Variants in SFT2D1 observed in about 807,000 individuals in gnomAD.
SFT2D1 encodes the protein vesicle transport protein SFT2A.
SFT2D1 carries 24 observed loss-of-function variants against 28.1 expected under a neutral mutation model. The observed-to-expected ratio is 0.85, with a 90% CI of 0.62 to 1.20. SFT2D1 has a LOEUF of 1.20. Among genes scored for constraint, SFT2D1 ranks in the 50% most tolerant of loss-of-function variants. The pLI, the probability that SFT2D1 is intolerant of heterozygous loss-of-function variation, is 0.00. For synonymous variants in SFT2D1, 82 were observed against 73.7 expected, an observed-to-expected ratio of 1.11 and a Z score of -0.58; for missense variants, 181 against 190.9, an observed-to-expected ratio of 0.95 and a Z score of 0.31.
Position 166,330,205 on chromosome 6 carries a change from AT to A in SFT2D1, c.105del (p.Lys35AsnfsTer27), listed in dbSNP as rs748205196. 21 of 1,607,406 alleles carry A rather than the reference AT, an allele frequency of 1.3e-5. No homozygotes were observed. In the African/African-American group the frequency reaches 2.8e-4, roughly 22 times the overall value. ...ASSLSFNTRL[K>X]WFAICFVCGV... The stretch of plus-strand genomic sequence containing the variant: ...CCACATACGAAGCAGATGGCAAACC[AT>A]TTCAATCTGGTGTTGAAACTAAGGG... On this transcript the variant is annotated frameshift_variant, in exon 2 of 8. Transcript: ENST00000361731. LOFTEE classifies it high-confidence loss of function.
intron 2 of SFT2D1, 136 bp downstream of exon 2, chr6:166,330,024 TA>T (rs1035314104): frequency 1.7e-6 from 1 of 585,596 alleles, no homozygotes; most frequent in Middle Eastern, 4.7e-4. Context: ...TCTACCCCTT[TA>T]TTTTAGTTTA....
chr6:166,330,810 A>AGGGGT (rs1409732345), intron 1 of SFT2D1, among the ~76,000 whole-genome samples: 1 of 152,196 alleles, frequency 6.6e-6, no homozygotes, highest in African/African-American at 2.4e-5. Flanking sequence ...GCTGCAGGCC[A>AGGGGT]GGGGTGGGGT....
chr6:166,336,444 T>C (rs1370364139), intron 1 of SFT2D1, among the ~76,000 whole-genome samples: 1 of 152,248 alleles, frequency 6.6e-6, no homozygotes, highest in Non-Finnish European at 1.5e-5. Flanking sequence ...CATAATTGTA[T>C]GTAGCTAATA....
chr6:166,330,564 A>G (rs1386757143), intron 1 of SFT2D1, among the ~76,000 whole-genome samples: 4 of 152,252 alleles, frequency 2.6e-5, no homozygotes, highest in African/African-American at 9.6e-5. Context: ...TAAAATATAC[A>G]AAGATTAAAA....
chr6:166,326,332 T>C (rs76560682), intron 4 of SFT2D1, among the ~76,000 whole-genome samples, 165 bp from the exon 5 acceptor site: 6,176 of 152,318 alleles, frequency 0.041, 395 homozygotes, highest in African/African-American at 0.14. Flanking sequence ...ATTATTTTAC[T>C]TTAAAGTCTA....
intron 1 of SFT2D1, among the ~76,000 whole-genome samples, chr6:166,341,363 T>G (rs1778777285): frequency 6.6e-6 from 1 of 151,292 alleles, no homozygotes; most frequent in Non-Finnish European, 1.5e-5. Flanking sequence ...GCAGGAGAAT[T>G]GCTTGAACCC....
Position 166,322,880 on chromosome 6 carries a change from G to A in SFT2D1, c.417C>T (p.Ser139=). 1.9e-6 allele frequency: 3 copies of A among 1,611,566 alleles called. No individual in the cohort carries two copies. The highest frequency in any genetic ancestry group is 1.1e-5 in the South Asian group (1 of 90,806). The part of the protein sequence containing the change: ...ILQFLSMTWY[S]LSYIPYARDA... Reference sequence around the variant, plus strand: ...ACCTTGCATATGGGATGTACGACAGGCTATACCTGCAAGAAATATTCAAGC... The same window carrying A: ...ACCTTGCATATGGGATGTACGACAGACTATACCTGCAAGAAATATTCAAGC... Residue 139 remains serine, a synonymous_variant, in exon 7 of 8, where the codon AGC becomes AGT. Coordinates refer to ENST00000361731, the MANE Select transcript of SFT2D1 (RefSeq NM_145169.3).
At chr6:166,320,612 C>T (rs188739142) in intron 7 of SFT2D1, among the ~76,000 whole-genome samples, 34 of 151,538 alleles carry the variant, frequency 2.2e-4, no homozygotes, top group African/African-American at 6.3e-4. Context: ...AGTGCAGTGG[C>T]GTGAGCAGAT....
In SFT2D1 at chr6:166,330,179, G is replaced by T; in HGVS notation, c.132C>A (p.Gly44=). Residue 44 remains glycine, a synonymous_variant, in exon 2 of 8, where the codon GGC becomes GGA. Transcript: ENST00000361731. ...LKWFAICFVC[G]VFFSILGTGL... ...AACTCACAAGAATAGAAAAGAAAAC[G>T]CCACATACGAAGCAGATGGCAAACC... 6.2e-7 allele frequency: 1 copy of T among 1,600,816 alleles called. No individual in the cohort carries two copies.
intron 1 of SFT2D1, chr6:166,334,976 G>A (rs894504042): frequency 4.2e-6 from 2 of 476,002 alleles, no homozygotes; most frequent in African/African-American, 2.0e-5. Context: ...TGAAGTGACT[G>A]AAATCATGAC....
At chr6:166,329,665 T>G (rs1022469794) in intron 2 of SFT2D1, 76 bp from the exon 3 acceptor site, 12 of 1,135,648 alleles carry the variant, frequency 1.1e-5, no homozygotes, top group South Asian at 3.0e-5. Flanking sequence ...GCTACTGCAG[T>G]AATACAATAC....
chr6:166,340,217 T>C (rs1778751190), intron 1 of SFT2D1, among the ~76,000 whole-genome samples: 1 of 152,200 alleles, frequency 6.6e-6, no homozygotes, highest in African/African-American at 2.4e-5. Context: ...GCCACAGTCA[T>C]CTCTTGCCAG....
At chr6:166,337,175 T>C (rs909947721) in intron 1 of SFT2D1, among the ~76,000 whole-genome samples, 1 of 152,222 alleles carries the variant, frequency 6.6e-6, no homozygotes, top group East Asian at 1.9e-4. Flanking sequence ...CACTTTTTCA[T>C]GTAGTTCCCT....
At chr6:166,321,067 C>T (rs987822483) in intron 7 of SFT2D1, among the ~76,000 whole-genome samples, 3 of 151,708 alleles carry the variant, frequency 2.0e-5, no homozygotes, top group East Asian at 1.9e-4. Flanking sequence ...GCAGAGATCA[C>T]GCCATTGTAC....
intron 1 of SFT2D1, among the ~76,000 whole-genome samples, chr6:166,330,546 ATATAT>A (rs1384975564): frequency 1.3e-5 from 2 of 152,216 alleles, no homozygotes; most frequent in African/African-American, 4.8e-5. Flanking sequence ...GACATATAAG[ATATAT>A]TATAAAATAT....
chr6:166,333,982 C>T (rs1661711564), intron 1 of SFT2D1, among the ~76,000 whole-genome samples: 1 of 152,218 alleles, frequency 6.6e-6, no homozygotes, highest in Non-Finnish European at 1.5e-5. Context: ...AGCTGAGATC[C>T]ACCTGTCCAC....
intron 4 of SFT2D1, among the ~76,000 whole-genome samples, chr6:166,326,963 T>C (rs1468722246): frequency 6.6e-6 from 1 of 152,250 alleles, no homozygotes; most frequent in Non-Finnish European, 1.5e-5. Flanking sequence ...AATGTTTATA[T>C]ATATGTTGAT....
chr6:166,322,780 A>G, intron 7 of SFT2D1, 77 bp downstream of exon 7: 2 of 1,244,202 alleles, frequency 1.6e-6, no homozygotes, highest in East Asian at 2.4e-5. Flanking sequence ...ATTTTTATGT[A>G]AAAATTACTT....
intron 1 of SFT2D1, among the ~76,000 whole-genome samples, chr6:166,337,347 C>T (rs765526499): frequency 6.6e-6 from 1 of 152,228 alleles, no homozygotes; most frequent in African/African-American, 2.4e-5. Context: ...CAAGTCACTT[C>T]CGTGTCCTTA....
Sources: gnomAD v4.1 joint callset for allele counts (sites outside exome capture counted in the v4.1 genomes callset) on GRCh38, gnomAD v4.1.1 for gene constraint, MANE v1.5 for transcripts, NCBI Gene and HGNC (gene_info 2026-07-23, HGNC 2026-07-21) for gene names.